The following TACC1 variants were observed in gnomAD, a reference collection of about 807,000 sequenced individuals.
TACC1 encodes the protein transforming acidic coiled-coil containing protein 1, also known as transforming acidic coiled-coil-containing protein 1.
A neutral mutation model predicts 84.4 loss-of-function variants in TACC1; 48 were observed. The observed-to-expected ratio is 0.57, with a 90% CI of 0.45 to 0.72. The LOEUF (loss-of-function observed/expected upper bound fraction) is 0.72. Among genes scored for constraint, TACC1 ranks in the 30% least tolerant of loss-of-function variants. TACC1 has a pLI of 0.00. For synonymous variants in TACC1, 372 were observed against 376.3 expected (o/e 0.99, Z 0.13); for missense variants, 920 against 973.0 (o/e 0.95, Z 0.72).
chr8:38,782,414 C>T (rs1056087178), upstream of TACC1, among the ~76,000 whole-genome samples: 1 of 152,062 alleles, frequency 6.6e-6, no homozygotes, highest in South Asian at 2.1e-4. Flanking sequence ...TTAATCCAGT[C>T]TATCATTGTT....
At chr8:38,757,298 C>T (rs1298909536) in intron 3 of TACC1, 1 of 1,260,978 alleles carries the variant, frequency 7.9e-7, no homozygotes, top group African/African-American at 1.6e-5. Context: ...CCGCCCAGCA[C>T]AGGAGGGTGC....
chr8:38,746,687 T>C lies in TACC1; in HGVS notation c.26+1194T>C, dbSNP rs544255989. 1.0e-3 allele frequency among the ~76,000 whole-genome samples: 157 copies of C among 152,336 alleles called. 5 individuals carry two copies. The South Asian group carries it at 0.031, about 30-fold the overall frequency. ...TAACTCCATCTGGTGAATTTTCTAC[T>C]TAAGAAATTATACTTTTCAGCTGTA... is the stretch of plus-strand genomic sequence containing the variant. On this transcript the variant is annotated intron_variant, in intron 3 of 14. Transcript: ENST00000518415.
intron 2 of TACC1, among the ~76,000 whole-genome samples, chr8:38,795,755 G>C (rs1383820046): frequency 1.3e-5 from 2 of 152,154 alleles, no homozygotes; most frequent in Non-Finnish European, 2.9e-5. Flanking sequence ...TATTAAATCT[G>C]GGCTTAGAAA....
At chr8:38,759,943 C>T (rs1028892175) in intron 3 of TACC1, among the ~76,000 whole-genome samples, 2 of 152,144 alleles carry the variant, frequency 1.3e-5, no homozygotes, top group African/African-American at 4.8e-5. Flanking sequence ...TACAGACTTC[C>T]TGCCGAACAT....
intron 2 of TACC1, among the ~76,000 whole-genome samples, chr8:38,793,218 A>G (rs1819166852): frequency 6.6e-6 from 1 of 152,184 alleles, no homozygotes; most frequent in South Asian, 2.1e-4. Context: ...AATAGAAGAA[A>G]AGAGATAAAT....
At chr8:38,786,896 G>A (rs551474991), upstream of TACC1, among the ~76,000 whole-genome samples, 3 of 152,060 alleles carry the variant, frequency 2.0e-5, no homozygotes, top group South Asian at 4.1e-4. Context: ...AAGTCACAGT[G>A]GCAAGATGAA....
Position 38,819,943 on chromosome 8 carries a change from C to G in TACC1, c.699C>G (p.Pro233=). The stretch of plus-strand genomic sequence containing the variant: ...GCAGAAGAAGCAAGCTGAGAAAGCC[C>G]AAGCCTGTCCCCCTGAGGAAGAAAG... ...VPSRRSKLRK[P]KPVPLRKKAI... is the part of the protein sequence containing the mutation. Residue 233 remains proline (P), a synonymous_variant, in exon 3 of 13, where the codon CCC becomes CCG. Coordinates refer to ENST00000317827, the MANE Select transcript of TACC1 (RefSeq NM_006283.3). The G allele has an allele frequency of 6.2e-7, 1 of 1,614,158 alleles. No individual in the cohort carries two copies. Among genetic ancestry groups the G allele is most frequent in the Non-Finnish European group, 8.5e-7 (1 of 1,180,034 alleles).
intron 3 of TACC1, chr8:38,824,026 G>T (rs1827479222): frequency 6.7e-6 from 9 of 1,351,950 alleles, no homozygotes; most frequent in Non-Finnish European, 8.8e-6. Context: ...GTTTTCTGTT[G>T]TAAGTACTCC....
chr8:38,777,293 T>C (rs1815007341), intron 3 of TACC1, among the ~76,000 whole-genome samples: 1 of 150,372 alleles, frequency 6.7e-6, no homozygotes, highest in Admixed American at 6.6e-5. Context: ...CTTTTCTCTC[T>C]CATGGAACAG....
At chr8:38,748,234 A>G (rs1327866238) in intron 3 of TACC1, among the ~76,000 whole-genome samples, 1 of 152,192 alleles carries the variant, frequency 6.6e-6, no homozygotes, top group Non-Finnish European at 1.5e-5. Context: ...GCACTTTAGA[A>G]GAAGAAAAGG....
intron 5 of TACC1, among the ~76,000 whole-genome samples, chr8:38,829,280 C>A (rs536995960): frequency 6.6e-6 from 1 of 152,314 alleles, no homozygotes; most frequent in South Asian, 2.1e-4. Context: ...CCCTGGCCTC[C>A]TTCTCATCCC....
chr8:38,825,397 T>C, intron 4 of TACC1, 29 bp downstream of exon 4: 1 of 1,613,470 alleles, frequency 6.2e-7, no homozygotes, highest in East Asian at 2.2e-5. Flanking sequence ...CCAGAATGTC[T>C]CTGAGACCAG....
At chr8:38,846,533 A>C in intron 11 of TACC1, 166 bp from the exon 12 acceptor site, 2 of 680,790 alleles carry the variant, frequency 2.9e-6, no homozygotes, top group East Asian at 6.4e-5. Context: ...TTTATAAATT[A>C]AAATGGAATT....
chr8:38,744,258 G>A (rs1320177773), intron 2 of TACC1: 1 of 152,190 alleles, frequency 6.6e-6, no homozygotes, highest in Admixed American at 6.6e-5. Context: ...AGTTGAACTT[G>A]ACACTTCTAT....
rs117258903 is a variant in TACC1 at position 38,800,787 on chromosome 8, A to G, written c.277+11968A>G. 6.6e-4 allele frequency among the ~76,000 whole-genome samples: 101 copies of G among 152,312 alleles called. No homozygotes were observed. In the East Asian group the frequency reaches 0.012, roughly 18 times the overall value. On this transcript the variant is annotated intron_variant, in intron 2 of 12. Transcript: ENST00000317827. Reference sequence around the variant, plus strand: ...ACTAGGAGTAGAATTGCTAGGCCATATGGTAACTTCATGTCAAACATTTTG... The same window carrying G: ...ACTAGGAGTAGAATTGCTAGGCCATGTGGTAACTTCATGTCAAACATTTTG...
In TACC1 at chr8:38,849,301, A is replaced by C. The variant is rs1832799041; in HGVS notation, c.*1278A>C. The C allele has an allele frequency of 6.6e-6, 1 of 152,210 alleles. No individual in the cohort carries two copies. The highest frequency in any genetic ancestry group is 2.4e-5 in the African/African-American group (1 of 41,458). 9.4% of individuals were successfully genotyped at this position (152,210 alleles called of 1,614,324 possible). On this transcript the variant is annotated 3_prime_UTR_variant, in exon 13 of 13. Transcript: ENST00000317827. ...GAGAAGGTCTGTACTAACAAAGCCA[A>C]ATTCCTCAAGCTCTTACTGGACTCA...
At chr8:38,826,519 A>G (rs1000635900) in intron 4 of TACC1, among the ~76,000 whole-genome samples, 1 of 152,102 alleles carries the variant, frequency 6.6e-6, no homozygotes, top group Non-Finnish European at 1.5e-5. Flanking sequence ...AAAAAATTTT[A>G]AGACTTAAAG....
intron 1 of TACC1, among the ~76,000 whole-genome samples, chr8:38,737,854 A>G (rs989223141): frequency 1.3e-4 from 20 of 151,936 alleles, no homozygotes; most frequent in African/African-American, 4.6e-4. Flanking sequence ...CAGCCTCCAA[A>G]GTAGCTGGGA....
rs1408042025 is a variant in TACC1 at position 38,787,480 on chromosome 8, G to C, written c.-103G>C. On this transcript the variant is annotated 5_prime_UTR_variant, in exon 1 of 13. Transcript: ENST00000317827. ...CCACATCCGCGCCTCTGCTGGAAAC[G>C]CTTGCTGGCGCCTGTCACCGGTTCC... 7.9e-6 allele frequency: 11 copies of C among 1,398,802 alleles called. No individual in the cohort carries two copies. Among genetic ancestry groups the C allele is most frequent in the Non-Finnish European group, 8.3e-6 (9 of 1,081,384 alleles). The allele number at this position is 1,398,802 out of a possible 1,614,324, so 86.6% of individuals were successfully genotyped here.
Sources: gnomAD v4.1 joint callset for allele counts (sites outside exome capture counted in the v4.1 genomes callset) on GRCh38, gnomAD v4.1.1 for gene constraint, MANE v1.5 for transcripts, NCBI Gene and HGNC (gene_info 2026-07-23, HGNC 2026-07-21) for gene names.